Variants in NRXN3 observed in about 807,000 individuals in gnomAD.
NRXN3 encodes the protein neurexin 3, also known as neurexin III.
Under a neutral mutation model 137.6 loss-of-function variants are expected in NRXN3, and 32 were observed. That is an observed-to-expected ratio of 0.23 (90% CI 0.18 to 0.31). The LOEUF is 0.31. NRXN3 is among the 10% of genes least tolerant of loss of function. The probability of loss-of-function intolerance (pLI) is 1.00; values close to 1 mark genes in which losing one functional copy is unlikely to be tolerated. For synonymous variants in NRXN3, 798 were observed against 784.5 expected, an observed-to-expected ratio of 1.02 and a Z score of -0.29; for missense variants, 1,574 against 2,062.5, an observed-to-expected ratio of 0.76 and a Z score of 4.59.
intron 10 of NRXN3, among the ~76,000 whole-genome samples, chr14:78,870,426 G>C (rs1160997987): frequency 6.6e-6 from 1 of 151,978 alleles, no homozygotes; most frequent in African/African-American, 2.4e-5. Context: ...TATTTATGGG[G>C]TATATGTGAT....
chr14:78,216,086 C>T (rs1230320610), intron 1 of NRXN3, among the ~76,000 whole-genome samples: 3 of 152,084 alleles, frequency 2.0e-5, no homozygotes, highest in South Asian at 2.1e-4. Flanking sequence ...TTTATTTTTG[C>T]GGCCATTTTT....
At chr14:78,710,762 G>A (rs35813445) in intron 7 of NRXN3, among the ~76,000 whole-genome samples, 76,831 of 151,916 alleles carry the variant, frequency 0.51, 22,771 homozygotes, top group Non-Finnish European at 0.64. Context: ...TAGGCTGACG[G>A]CAGAGATAGC....
At chr14:78,618,327 T>C (rs967957651) in intron 4 of NRXN3, among the ~76,000 whole-genome samples, 7 of 151,698 alleles carry the variant, frequency 4.6e-5, no homozygotes, top group African/African-American at 1.7e-4. Flanking sequence ...AGCCAAGCTG[T>C]GGGCTAAGGT....
intron 2 of NRXN3, among the ~76,000 whole-genome samples, chr14:78,248,877 T>G (rs72685774): frequency 0.014 from 2,163 of 152,234 alleles, 31 homozygotes; most frequent in East Asian, 0.031. Flanking sequence ...CCACCCAGCA[T>G]TCAGGTTTTC....
At chr14:79,636,318 T>C (rs537376394) in intron 16 of NRXN3, among the ~76,000 whole-genome samples, 60 of 152,346 alleles carry the variant, frequency 3.9e-4, no homozygotes, top group African/African-American at 1.4e-3. Flanking sequence ...AAATATATTG[T>C]CACCAATATG....
intron 4 of NRXN3, among the ~76,000 whole-genome samples, chr14:78,632,961 C>T (rs563997881): frequency 8.4e-4 from 127 of 151,926 alleles, no homozygotes; most frequent in African/African-American, 2.8e-3. Flanking sequence ...GTCGGCTGGG[C>T]GTAGTGGCTC....
intron 6 of NRXN3, among the ~76,000 whole-genome samples, chr14:78,684,465 G>A (rs2098107705): frequency 6.6e-6 from 1 of 152,124 alleles, no homozygotes; most frequent in Non-Finnish European, 1.5e-5. Context: ...CAGGAGACAC[G>A]GAAGTCAGGT....
chr14:79,006,554 A>T (rs887787067), intron 15 of NRXN3, among the ~76,000 whole-genome samples: 1 of 151,696 alleles, frequency 6.6e-6, no homozygotes, highest in Non-Finnish European at 1.5e-5. Flanking sequence ...TTTGATTATT[A>T]TTCCTTTATA....
intron 17 of NRXN3, among the ~76,000 whole-genome samples, chr14:79,682,171 CTCTTTTCT>C (rs529140620): frequency 3.9e-4 from 60 of 152,034 alleles, no homozygotes; most frequent in African/African-American, 1.3e-3. Flanking sequence ...TCTCCCTTTC[CTCTTTTCT>C]TCTTTTCTTT....
chr14:78,252,717 T>G (rs891483682), intron 2 of NRXN3, among the ~76,000 whole-genome samples: 2 of 152,216 alleles, frequency 1.3e-5, no homozygotes, highest in African/African-American at 4.8e-5. Flanking sequence ...TTTCAGGCAA[T>G]TCTGCAATCT....
intron 15 of NRXN3, among the ~76,000 whole-genome samples, chr14:79,006,865 A>G (rs1258374496): frequency 1.3e-5 from 2 of 152,146 alleles, no homozygotes; most frequent in Non-Finnish European, 2.9e-5. Context: ...ATAAAATTCC[A>G]TCAGCTAAGT....
At chr14:79,382,900 G>A (rs2094508758) in intron 15 of NRXN3, among the ~76,000 whole-genome samples, 1 of 151,404 alleles carries the variant, frequency 6.6e-6, no homozygotes, top group South Asian at 2.1e-4. Context: ...AGTTAGATTT[G>A]AGCCAGGGAT....
intron 1 of NRXN3, among the ~76,000 whole-genome samples, chr14:78,233,502 C>G (rs183697987): frequency 1.9e-4 from 29 of 152,192 alleles, no homozygotes; most frequent in Non-Finnish European, 3.1e-4. Flanking sequence ...GGACATAGAA[C>G]CCCTAAAGAT....
At chr14:79,719,402 G>GTATATATATGTGTGTGTGTATATATA (rs5741998) in intron 19 of NRXN3, among the ~76,000 whole-genome samples, 16 of 142,280 alleles carry the variant, frequency 1.1e-4, no homozygotes, top group African/African-American at 3.5e-4. Context: ...ATATATGTGT[G>GTATATATATGTGTGTGTGTATATATA]TATATATATA....
At chr14:78,299,270 G>C (rs1176289306) in intron 4 of NRXN3, among the ~76,000 whole-genome samples, 1 of 152,126 alleles carries the variant, frequency 6.6e-6, no homozygotes, top group African/African-American at 2.4e-5. Flanking sequence ...GGGAGGGAAG[G>C]GCCAACAGCA....
At chr14:78,991,936 G>T (rs1218167252) in intron 15 of NRXN3, among the ~76,000 whole-genome samples, 1 of 152,156 alleles carries the variant, frequency 6.6e-6, no homozygotes, top group African/African-American at 2.4e-5. Context: ...GACCCTGGTG[G>T]GTTGATGGAG....
chr14:79,624,299 T>TACCC, intron 16 of NRXN3, among the ~76,000 whole-genome samples: 2 of 152,222 alleles, frequency 1.3e-5, no homozygotes, highest in African/African-American at 4.8e-5. Flanking sequence ...CAACATGATA[T>TACCC]CTTTCCATTG....
At chr14:78,757,003 CT>C (rs1212739618) in intron 8 of NRXN3, among the ~76,000 whole-genome samples, 4 of 152,204 alleles carry the variant, frequency 2.6e-5, no homozygotes, top group Non-Finnish European at 2.9e-5. Flanking sequence ...TGAAAACTAG[CT>C]TTGCAATCTC....
At chr14:79,777,112 G>C (rs1049474892) in intron 19 of NRXN3, among the ~76,000 whole-genome samples, 3 of 152,116 alleles carry the variant, frequency 2.0e-5, no homozygotes, top group African/African-American at 7.2e-5. Context: ...TTGTGGCAGA[G>C]GCTATAATAA....
Sources: allele counts gnomAD v4.1 joint callset (sites outside exome capture counted in the v4.1 genomes callset), GRCh38; gene constraint gnomAD v4.1.1; transcripts MANE v1.5; gene names NCBI Gene and HGNC (gene_info 2026-07-23, HGNC 2026-07-21).